The following LRMDA variants were observed in gnomAD, a reference collection of about 807,000 sequenced individuals.
LRMDA encodes the protein leucine-rich melanocyte differentiation-associated protein.
In LRMDA, 18 loss-of-function variants were observed where a neutral mutation model predicts 29.8. The ratio of observed to expected loss-of-function variants is 0.60; its 90% CI spans 0.42 to 0.90. LRMDA has a LOEUF of 0.90. Ranked by LOEUF, LRMDA falls within the 40% of genes least tolerant of loss-of-function variation. The probability of loss-of-function intolerance (pLI) is 0.00; values close to 1 mark genes in which losing one functional copy is unlikely to be tolerated. For missense variants in LRMDA, 273 were observed against 273.9 expected, an observed-to-expected ratio of 1.00 and a Z score of 0.02; for synonymous variants, 125 against 109.4, an observed-to-expected ratio of 1.14 and a Z score of -0.89.
chr10:75,440,452 G>A (rs1430087301), intron 2 of LRMDA, among the ~76,000 whole-genome samples: 1 of 151,812 alleles, frequency 6.6e-6, no homozygotes, highest in African/African-American at 2.4e-5. Context: ...GTGGAGGGGT[G>A]AGGTCTAAGG....
chr10:76,069,793 C>A (rs1848846641), intron 5 of LRMDA, among the ~76,000 whole-genome samples: 1 of 152,198 alleles, frequency 6.6e-6, no homozygotes, highest in Non-Finnish European at 1.5e-5. Context: ...TTATTCACTC[C>A]TCCCCCATTC....
chr10:76,551,070 T>C (rs1907302), intron 6 of LRMDA, among the ~76,000 whole-genome samples: 67,308 of 151,902 alleles, frequency 0.44, 15,567 homozygotes, highest in Middle Eastern at 0.56. Context: ...TAACAAAGAC[T>C]GAGGAATGTG....
intron 2 of LRMDA, among the ~76,000 whole-genome samples, chr10:75,916,193 T>TGTGTGTGTGTGTGTGTGTGTGG (rs72087365): frequency 7.1e-6 from 1 of 140,064 alleles, no homozygotes; most frequent in Admixed American, 7.1e-5. Flanking sequence ...TGTGTGTGTG[T>TGTGTGTGTGTGTGTGTGTGTGG]GTGGGTGGGT....
chr10:76,263,297 G>C (rs913215347), intron 5 of LRMDA, among the ~76,000 whole-genome samples: 8 of 151,758 alleles, frequency 5.3e-5, no homozygotes, highest in Non-Finnish European at 1.2e-4. Context: ...AAGATCATCT[G>C]TTTATCTCAT....
intron 5 of LRMDA, among the ~76,000 whole-genome samples, chr10:76,083,412 C>T (rs1236271869): frequency 6.6e-6 from 1 of 152,174 alleles, no homozygotes; most frequent in African/African-American, 2.4e-5. Flanking sequence ...ATGTGGGGCC[C>T]TGTGTAACAT....
chr10:76,248,577 A>T (rs1409342987), intron 5 of LRMDA, among the ~76,000 whole-genome samples: 1 of 152,248 alleles, frequency 6.6e-6, no homozygotes, highest in Non-Finnish European at 1.5e-5. Context: ...GCAGAGAAGT[A>T]GATTGAATAC....
intron 5 of LRMDA, among the ~76,000 whole-genome samples, chr10:76,125,901 A>G (rs75028988): frequency 0.03 from 4,598 of 152,326 alleles, 205 homozygotes; most frequent in African/African-American, 0.1. Flanking sequence ...AAGAGCCAAT[A>G]CAAAGTCCTG....
intron 2 of LRMDA, among the ~76,000 whole-genome samples, chr10:75,875,790 G>A (rs1177630276): frequency 1.3e-5 from 2 of 152,352 alleles, no homozygotes; most frequent in Middle Eastern, 3.4e-3. Flanking sequence ...TTGGACCATG[G>A]TGGTAAGATA....
intron 2 of LRMDA, among the ~76,000 whole-genome samples, chr10:75,580,795 C>T (rs1840579366): frequency 6.6e-6 from 1 of 152,254 alleles, no homozygotes; most frequent in East Asian, 1.9e-4. Context: ...CTTTGACAAA[C>T]CTGACAAAAT....
At chr10:76,198,430 A>G (rs922534000) in intron 5 of LRMDA, among the ~76,000 whole-genome samples, 4 of 152,164 alleles carry the variant, frequency 2.6e-5, no homozygotes, top group Non-Finnish European at 5.9e-5. Flanking sequence ...ATTCCCTTGG[A>G]GCAGAGTGCA....
intron 5 of LRMDA, among the ~76,000 whole-genome samples, chr10:76,297,481 C>T (rs1840426045): frequency 6.6e-6 from 1 of 152,070 alleles, no homozygotes; most frequent in African/African-American, 2.4e-5. Flanking sequence ...CTTTTTTGGC[C>T]CTGAGTGACA....
chr10:76,422,456 C>A (rs1271700290), intron 6 of LRMDA, among the ~76,000 whole-genome samples: 2 of 152,118 alleles, frequency 1.3e-5, no homozygotes, highest in Admixed American at 1.3e-4. Context: ...TTTATTCACA[C>A]TTTACAGATC....
At chr10:76,502,429 G>C (rs1269624644) in intron 6 of LRMDA, among the ~76,000 whole-genome samples, 3 of 151,934 alleles carry the variant, frequency 2.0e-5, no homozygotes, top group Non-Finnish European at 4.4e-5. Flanking sequence ...AAGTAACCTT[G>C]AATCTATAAA....
At chr10:75,734,680 C>T (rs185323043) in intron 2 of LRMDA, among the ~76,000 whole-genome samples, 2 of 152,192 alleles carry the variant, frequency 1.3e-5, no homozygotes, top group African/African-American at 2.4e-5. Flanking sequence ...ACAGGGCAGA[C>T]CTGGATTCCC....
intron 2 of LRMDA, among the ~76,000 whole-genome samples, chr10:75,985,221 G>C (rs868268643): frequency 6.6e-6 from 1 of 152,176 alleles, no homozygotes; most frequent in Non-Finnish European, 1.5e-5. Context: ...TAAAAATGAA[G>C]GAGAGAAAGT....
At chr10:76,259,390 T>C (rs1839905388) in intron 5 of LRMDA, among the ~76,000 whole-genome samples, 1 of 152,168 alleles carries the variant, frequency 6.6e-6, no homozygotes, top group Non-Finnish European at 1.5e-5. Context: ...ATTCCTTTTG[T>C]TATTGACTTC....
chr10:76,089,425 T>G (rs1261197011), intron 5 of LRMDA, among the ~76,000 whole-genome samples: 3 of 152,134 alleles, frequency 2.0e-5, no homozygotes, highest in African/African-American at 7.2e-5. Context: ...ATAAAACACA[T>G]AGGAAGATGA....
intron 6 of LRMDA, among the ~76,000 whole-genome samples, chr10:76,503,368 G>C (rs1842930396): frequency 6.6e-6 from 1 of 151,718 alleles, no homozygotes; most frequent in Non-Finnish European, 1.5e-5. Context: ...CCTCATCCCT[G>C]ATTTTTTAGA....
intron 6 of LRMDA, among the ~76,000 whole-genome samples, chr10:76,451,939 G>A (rs2132300567): frequency 6.6e-6 from 1 of 152,188 alleles, no homozygotes; most frequent in East Asian, 1.9e-4. Context: ...TTACAGGCGT[G>A]AGCCACCATG....
Sources: gnomAD v4.1 joint callset for allele counts (sites outside exome capture counted in the v4.1 genomes callset) on GRCh38, gnomAD v4.1.1 for gene constraint, MANE v1.5 for transcripts, NCBI Gene and HGNC (gene_info 2026-07-23, HGNC 2026-07-21) for gene names.